Variants in LINC00305 observed in about 807,000 individuals in gnomAD.
LINC00305 encodes long intergenic non-protein coding RNA 305.
In LINC00305 at chr18:64,142,285, A is replaced by G. The variant is rs180937920; in HGVS notation, n.314+6490T>C. On this transcript the variant is annotated intron_variant and non_coding_transcript_variant, in intron 1 of 3. Transcript: ENST00000666468. ...TAGGCTTTTAAAAAAGTTGTTGTTGAAAAAGAATGTAGATTCTCTTTTACC... is the reference window on the plus strand; with the variant it reads ...TAGGCTTTTAAAAAAGTTGTTGTTGGAAAAGAATGTAGATTCTCTTTTACC... 9.2e-5 allele frequency among the ~76,000 whole-genome samples: 14 copies of G among 152,340 alleles called. No homozygotes were observed. The East Asian group carries it at 2.5e-3, about 27-fold the overall frequency.
intron 3 of LINC00305, among the ~76,000 whole-genome samples, chr18:64,083,126 T>C (rs991362769): frequency 6.6e-6 from 1 of 152,218 alleles, no homozygotes; most frequent in Non-Finnish European, 1.5e-5. Flanking sequence ...AATTTTCTTT[T>C]TGTATTTTTT....
chr18:64,143,510 C>T (rs1286577347), intron 1 of LINC00305, among the ~76,000 whole-genome samples: 1 of 129,858 alleles, frequency 7.7e-6, no homozygotes, highest in East Asian at 2.2e-4. Context: ...TATATGTATA[C>T]CATCAATATA....
chr18:64,082,474 C>T (rs1276322731), intron 3 of LINC00305, among the ~76,000 whole-genome samples: 3 of 152,270 alleles, frequency 2.0e-5, no homozygotes, highest in South Asian at 2.1e-4. Flanking sequence ...GCTGGCCCTG[C>T]GTGAAATGCA....
intron 1 of LINC00305, among the ~76,000 whole-genome samples, chr18:64,124,235 G>T (rs1015797062): frequency 6.6e-6 from 1 of 152,098 alleles, no homozygotes; most frequent in African/African-American, 2.4e-5. Context: ...GCATGGCATG[G>T]TCATCCACGG....
chr18:64,140,039 G>A (rs1286085532), intron 1 of LINC00305, among the ~76,000 whole-genome samples: 2 of 152,020 alleles, frequency 1.3e-5, no homozygotes, highest in Non-Finnish European at 2.9e-5. Context: ...CGGAGACCTT[G>A]TATCTGCTAT....
chr18:64,080,414 AAAGTAATCCACATTATTGCAGT>A (rs1417130676), intron 3 of LINC00305: 2 of 444,362 alleles, frequency 4.5e-6, no homozygotes. Flanking sequence ...TGTACAAACA[AAAGTAATCCACATTATTGCAGT>A]AGAGAAAGAG....
exon 3 of LINC00305, chr18:64,097,904 C>G (rs772862569): frequency 2.8e-5 from 13 of 457,970 alleles, no homozygotes; most frequent in South Asian, 2.0e-4. Flanking sequence ...CACATTTGAC[C>G]TTTGTAAGTG....
chr18:64,118,501 GTA>G lies in LINC00305; in HGVS notation n.315-19863_315-19862del, dbSNP rs1161432510. On this transcript the variant is annotated intron_variant and non_coding_transcript_variant, in intron 1 of 3. Transcript: ENST00000666468. ...GATATAAAATCATTATAACTTTTTT[GTA>G]TGAGTGCTGATAAAATCAACCAAGA... 2.6e-5 allele frequency among the ~76,000 whole-genome samples: 4 copies of G among 151,900 alleles called. No homozygotes were observed. The East Asian group carries it at 5.8e-4, about 22-fold the overall frequency.
intron 1 of LINC00305, among the ~76,000 whole-genome samples, chr18:64,140,570 T>A (rs1436022310): frequency 3.3e-5 from 5 of 152,108 alleles, no homozygotes; most frequent in Non-Finnish European, 7.4e-5. Context: ...TTCCTCTCCA[T>A]CTCCCCAACT....
chr18:64,097,051 G>A (rs1234548777), intron 3 of LINC00305, among the ~76,000 whole-genome samples: 2 of 151,928 alleles, frequency 1.3e-5, no homozygotes, highest in African/African-American at 4.8e-5. Flanking sequence ...GAGAACTCAT[G>A]TACAGTCTAC....
At chr18:64,089,065 C>G (rs1032054881) in intron 3 of LINC00305, among the ~76,000 whole-genome samples, 1 of 152,074 alleles carries the variant, frequency 6.6e-6, no homozygotes, top group Non-Finnish European at 1.5e-5. Flanking sequence ...ACAGGTAATT[C>G]CAGAGATAGA....
intron 3 of LINC00305, among the ~76,000 whole-genome samples, chr18:64,087,928 A>G (rs542543350): frequency 1.0e-4 from 15 of 148,276 alleles, no homozygotes; most frequent in African/African-American, 3.6e-4. Flanking sequence ...CATCTCTCCC[A>G]AAACTACAAA....
intron 1 of LINC00305, among the ~76,000 whole-genome samples, chr18:64,106,289 G>C (rs1204900006): frequency 2.0e-5 from 3 of 152,052 alleles, no homozygotes; most frequent in Admixed American, 2.0e-4. Flanking sequence ...TGTAAACCTG[G>C]GCATGTCTGC....
chr18:64,112,511 A>C (rs2850712), intron 1 of LINC00305, among the ~76,000 whole-genome samples: 60,940 of 152,010 alleles, frequency 0.4, 12,528 homozygotes, highest in Non-Finnish European at 0.43. Flanking sequence ...AACACTATTT[A>C]TGGTGTTTAT....
Position 64,121,970 on chromosome 18 carries a change from A to G in LINC00305, n.315-23330T>C, listed in dbSNP as rs540905707. Among the ~76,000 whole-genome samples the G allele has an allele frequency of 4.6e-5, 7 of 152,076 alleles. No individual in the cohort carries two copies. The South Asian group carries it at 1.2e-3, about 27-fold the overall frequency. ...TGAGCATTTTTCATGTCTGTTGGCC[A>G]TTTTTATGTCTTCTTTTGAGAAATG... On this transcript the variant is annotated intron_variant and non_coding_transcript_variant, in intron 1 of 3. Transcript: ENST00000666468.
intron 1 of LINC00305, among the ~76,000 whole-genome samples, chr18:64,124,048 T>A (rs2144261730): frequency 6.6e-6 from 1 of 152,176 alleles, no homozygotes; most frequent in South Asian, 2.1e-4. Context: ...GAATCATGAG[T>A]TAAATAAACT....
chr18:64,142,676 G>A (rs997409025), intron 1 of LINC00305, among the ~76,000 whole-genome samples: 1 of 151,974 alleles, frequency 6.6e-6, no homozygotes, highest in Non-Finnish European at 1.5e-5. Context: ...ATGGCCACCC[G>A]CGCCCTATTC....
chr18:64,123,406 T>C (rs1047009014), intron 1 of LINC00305, among the ~76,000 whole-genome samples: 1 of 152,080 alleles, frequency 6.6e-6, no homozygotes, highest in Admixed American at 6.6e-5. Context: ...TTAAGACTCA[T>C]AAATTTCAGA....
chr18:64,095,294 C>A (rs1409481949), intron 3 of LINC00305, among the ~76,000 whole-genome samples: 1 of 152,082 alleles, frequency 6.6e-6, no homozygotes, highest in Non-Finnish European at 1.5e-5. Context: ...AGAAAACAGC[C>A]AACAGGAGGC....
Sources: allele counts gnomAD v4.1 joint callset (sites outside exome capture counted in the v4.1 genomes callset), GRCh38; gene constraint gnomAD v4.1.1; transcripts MANE v1.5; gene names NCBI Gene and HGNC (gene_info 2026-07-23, HGNC 2026-07-21).